SLC1A1: variants seen among roughly 807,000 people sequenced by gnomAD.
The protein encoded by SLC1A1 is excitatory amino acid transporter 3.
Under a neutral mutation model 53.3 loss-of-function variants are expected in SLC1A1, and 43 were observed. The ratio of observed to expected loss-of-function variants is 0.81; its 90% CI spans 0.63 to 1.04. The LOEUF (loss-of-function observed/expected upper bound fraction) is 1.04, where lower values mean the gene tolerates loss of function less well. Ranked by LOEUF, SLC1A1 falls within the 50% of genes least tolerant of loss-of-function variation. The pLI, the probability that SLC1A1 is intolerant of heterozygous loss-of-function variation, is 0.00. For synonymous variants in SLC1A1, 307 were observed against 243.2 expected (o/e 1.26, Z -2.44); for missense variants, 748 against 664.9 (o/e 1.12, Z -1.37).
intron 1 of SLC1A1, among the ~76,000 whole-genome samples, chr9:4,540,061 C>G (rs1413398174): frequency 1.3e-5 from 2 of 152,100 alleles, no homozygotes; most frequent in Non-Finnish European, 2.9e-5. Context: ...ACCCATGGCC[C>G]TCCTGCCACC....
rs1346533590 is a variant in SLC1A1 at position 4,586,263 on chromosome 9, GAC to G, written c.*707_*708del. ...TTTATTATTTTCATATAATTTGCCA[GAC>G]AGAGATCAGAATTGAACCGTCAATG... On this transcript the variant is annotated 3_prime_UTR_variant, in exon 12 of 12. Transcript: ENST00000262352. 6.6e-6 allele frequency: 1 copy of G among 151,782 alleles called. No individual in the cohort carries two copies. Among genetic ancestry groups the G allele is most frequent in the Non-Finnish European group, 1.5e-5 (1 of 67,996 alleles). 9.4% of individuals were successfully genotyped at this position (151,782 alleles called of 1,614,324 possible). A position where few individuals can be genotyped will look rare whatever the true frequency, so the allele number is the denominator to read the frequency against.
At chr9:4,504,561 C>T (rs1325218248) in intron 1 of SLC1A1, among the ~76,000 whole-genome samples, 1 of 152,228 alleles carries the variant, frequency 6.6e-6, no homozygotes, top group Admixed American at 6.5e-5. Context: ...TCTGCTGCCG[C>T]TTCTTGGATT....
intron 1 of SLC1A1, among the ~76,000 whole-genome samples, chr9:4,495,130 G>C (rs1820369791): frequency 6.6e-6 from 1 of 152,170 alleles, no homozygotes; most frequent in South Asian, 2.1e-4. Flanking sequence ...CGTGCATCTG[G>C]CAGTGCTAAT....
At chr9:4,513,047 C>T (rs1455528644) in intron 1 of SLC1A1, among the ~76,000 whole-genome samples, 1 of 151,988 alleles carries the variant, frequency 6.6e-6, no homozygotes, top group Non-Finnish European at 1.5e-5. Flanking sequence ...GAACCTCAAC[C>T]TAAAATCACA....
intron 8 of SLC1A1, among the ~76,000 whole-genome samples, chr9:4,575,002 A>G (rs1191832308): frequency 1.3e-5 from 2 of 152,182 alleles, no homozygotes; most frequent in African/African-American, 4.8e-5. Flanking sequence ...GGCTGCTGAA[A>G]CAGGCAGTGC....
chr9:4,540,626 G>A (rs534400055), intron 1 of SLC1A1, among the ~76,000 whole-genome samples: 55 of 152,172 alleles, frequency 3.6e-4, no homozygotes, highest in Non-Finnish European at 4.4e-4. Flanking sequence ...CCTGGCTCCT[G>A]TACCTGCTCA....
intron 1 of SLC1A1, among the ~76,000 whole-genome samples, chr9:4,496,270 A>G (rs1820416070): frequency 6.6e-6 from 1 of 152,144 alleles, no homozygotes; most frequent in South Asian, 2.1e-4. Flanking sequence ...GAGGAAGTTC[A>G]ACAGCGTTGG....
intron 1 of SLC1A1, among the ~76,000 whole-genome samples, chr9:4,540,652 C>T (rs1816925222): frequency 6.6e-6 from 1 of 152,228 alleles, no homozygotes; most frequent in Admixed American, 6.5e-5. Context: ...GGACTCCCTT[C>T]TGCAAGGGGT....
intron 1 of SLC1A1, among the ~76,000 whole-genome samples, chr9:4,539,152 G>A (rs566980003): frequency 6.6e-6 from 1 of 152,152 alleles, no homozygotes; most frequent in Admixed American, 6.5e-5. Context: ...TACCCCAAAA[G>A]AAGAACAATG....
intron 10 of SLC1A1, among the ~76,000 whole-genome samples, chr9:4,579,123 C>T (rs571220629): frequency 6.6e-6 from 1 of 152,328 alleles, no homozygotes; most frequent in East Asian, 1.9e-4. Context: ...ATTTGGCACA[C>T]CAGCTGGGGA....
In SLC1A1 at chr9:4,576,679, C is replaced by A. The variant is rs775964685; in HGVS notation, c.1109C>A (p.Thr370Asn). The change falls in exon 10 of 12, where the codon ACT becomes AAT. Residue 370 changes from threonine (T) to asparagine (N), a missense_variant. By Grantham distance (65) the Thr-to-Asn change is moderately conservative. Coordinates refer to ENST00000262352, the MANE Select transcript of SLC1A1 (RefSeq NM_004170.6). Reference protein sequence around the residue: ...PVGATINMDGTALYEAVAAVF... With the variant: ...PVGATINMDGNALYEAVAAVF... ...GGTGCAACAATCAACATGGATGGGA[C>A]TGCGCTCTATGAAGCAGTGGCAGCG... is the stretch of plus-strand genomic sequence containing the variant. The A allele has an allele frequency of 6.2e-7, 1 of 1,614,168 alleles. No individual in the cohort carries two copies. Among genetic ancestry groups the A allele is most frequent in the Admixed American group, 1.7e-5 (1 of 60,020 alleles).
At chr9:4,545,710 T>G (rs966664761) in intron 2 of SLC1A1, among the ~76,000 whole-genome samples, 2 of 152,236 alleles carry the variant, frequency 1.3e-5, no homozygotes, top group Non-Finnish European at 2.9e-5. Context: ...CCTAGTATTT[T>G]TAAAACTTGT....
rs1564072223 is a variant in SLC1A1, at chr9:4,585,349, G to A, written c.1366G>A (p.Ala456Thr). 1 of 1,614,164 alleles carries A rather than the reference G, an allele frequency of 6.2e-7. No individual in the cohort carries two copies. Among genetic ancestry groups the A allele is most frequent in the African/African-American group, 1.3e-5 (1 of 75,052 alleles). ...GACCATGGTCAACGTCCTTGGTGAT[G>A]CTTTTGGGACGGGCATTGTGGAAAA... is the stretch of plus-strand genomic sequence containing the variant. ...FRTMVNVLGD[A>T]FGTGIVEKLS... Residue 456 changes from alanine (A) to threonine (T), a missense_variant, in exon 12 of 12, where the codon GCT becomes ACT. Ala to Thr is a moderately conservative substitution (Grantham distance 58). Coordinates refer to ENST00000262352, the MANE Select transcript of SLC1A1 (RefSeq NM_004170.6).
chr9:4,541,271 T>G (rs1816981014), intron 1 of SLC1A1, among the ~76,000 whole-genome samples: 1 of 152,192 alleles, frequency 6.6e-6, no homozygotes, highest in African/African-American at 2.4e-5. Context: ...CCAAGAATCA[T>G]GGACTCTAGA....
intron 1 of SLC1A1, among the ~76,000 whole-genome samples, chr9:4,519,615 G>A (rs1442923520): frequency 1.3e-5 from 2 of 152,156 alleles, no homozygotes; most frequent in Non-Finnish European, 2.9e-5. Context: ...CAAGGGCAGG[G>A]CTAAGTCCTG....
rs1048112953 is a variant in SLC1A1 at position 4,583,687 on chromosome 9, T to C, written c.1328+515T>C. 6.6e-6 allele frequency among the ~76,000 whole-genome samples: 1 copy of C among 152,108 alleles called. No individual in the cohort carries two copies. The highest frequency in any genetic ancestry group is 6.5e-5 in the Admixed American group (1 of 15,270). On this transcript the variant is annotated intron_variant, in intron 11 of 11. Coordinates refer to ENST00000262352, the MANE Select transcript of SLC1A1 (RefSeq NM_004170.6). The surrounding 1 kb of genome is among the most constrained non-coding windows in gnomAD (Gnocchi z 4.6). Reference sequence around the variant, plus strand: ...AGGCCCAGTTGCATAATCTGTGAGATGGGAAAAAATCTGCCTATGTCATTG... The same window carrying C: ...AGGCCCAGTTGCATAATCTGTGAGACGGGAAAAAATCTGCCTATGTCATTG...
Position 4,586,473 on chromosome 9 carries a change from T to G in SLC1A1, c.*915T>G, listed in dbSNP as rs1022900377. On this transcript the variant is annotated 3_prime_UTR_variant, in exon 12 of 12. Transcript: ENST00000262352. ...ATTATGGTGATACTCCAAGGTGGCA[T>G]AGCCATTCATTTACAACTTCCAGAT... The G allele has an allele frequency of 1.3e-5, 2 of 152,198 alleles. No homozygotes were observed. The highest frequency in any genetic ancestry group is 3.8e-4 in the East Asian group (2 of 5,198). 9.4% of individuals were successfully genotyped at this position (152,198 alleles called of 1,614,324 possible). A position where few individuals can be genotyped will look rare whatever the true frequency, so the allele number is the denominator to read the frequency against.
intron 8 of SLC1A1, 49 bp from the exon 9 acceptor site, chr9:4,575,952 G>T: frequency 6.2e-7 from 1 of 1,603,162 alleles, no homozygotes; most frequent in South Asian, 1.1e-5. Flanking sequence ...ATTAAGTGTG[G>T]GGAGGTGGTA....
At chr9:4,557,552 G>A (rs1004162135) in intron 2 of SLC1A1, among the ~76,000 whole-genome samples, 7 of 151,212 alleles carry the variant, frequency 4.6e-5, no homozygotes, top group South Asian at 2.1e-4. Flanking sequence ...TTGGGAGGCC[G>A]AGGTGGGAGG....
Sources: allele counts gnomAD v4.1 joint callset (sites outside exome capture counted in the v4.1 genomes callset), GRCh38; gene constraint gnomAD v4.1.1; non-coding constraint Gnocchi (gnomAD v3.1); transcripts MANE v1.5; gene names NCBI Gene and HGNC (gene_info 2026-07-23, HGNC 2026-07-21).